ST8SIA5: variants seen among roughly 807,000 people sequenced by gnomAD.
The protein encoded by ST8SIA5 is ST8 alpha-N-acetyl-neuraminide alpha-2,8-sialyltransferase 5, also known as alpha-2,8-sialyltransferase 8E.
Under a neutral mutation model 40.2 loss-of-function variants are expected in ST8SIA5, and 24 were observed. The ratio of observed to expected loss-of-function variants is 0.60; its 90% CI spans 0.43 to 0.84. The LOEUF (loss-of-function observed/expected upper bound fraction) is 0.84. Among genes scored for constraint, ST8SIA5 ranks in the 40% least tolerant of loss-of-function variants. The pLI is 0.00. For missense variants in ST8SIA5, 465 were observed against 498.5 expected (o/e 0.93, Z 0.64); for synonymous variants, 198 against 201.8 (o/e 0.98, Z 0.16).
intron 1 of ST8SIA5, among the ~76,000 whole-genome samples, chr18:46,746,392 C>A (rs1599154163): frequency 6.6e-6 from 1 of 152,258 alleles, no homozygotes; most frequent in South Asian, 2.1e-4. Context: ...AATCAATCTG[C>A]AAAAATCACA....
At chr18:46,692,051 G>T (rs1026720598) in intron 3 of ST8SIA5, 118 bp downstream of exon 3, 2 of 1,036,282 alleles carry the variant, frequency 1.9e-6, no homozygotes, top group Admixed American at 1.8e-5. Flanking sequence ...CCCAGTCAGG[G>T]TCTGCTCTGG....
rs556701139 is a variant in ST8SIA5 at position 46,756,839 on chromosome 18, G to A, written c.-331C>T. On this transcript the variant is annotated 5_prime_UTR_variant, in exon 1 of 7. Transcript: ENST00000315087. ...GCGGAGGGGAGACGCCAGGTGCCAC[G>A]AGCCGGAGGCGGCCCCTCCCGCCGA... The A allele has an allele frequency of 3.6e-6, 1 of 279,318 alleles. No homozygotes were observed. The highest frequency in any genetic ancestry group is 5.5e-5 in the South Asian group (1 of 18,050). The allele number at this position is 279,318 out of a possible 1,614,324, so 17.3% of individuals were successfully genotyped here. A position where few individuals can be genotyped will look rare whatever the true frequency, so the allele number is the denominator to read the frequency against.
At chr18:46,738,933 T>C (rs1157089168) in intron 1 of ST8SIA5, among the ~76,000 whole-genome samples, 1 of 152,170 alleles carries the variant, frequency 6.6e-6, no homozygotes, top group Admixed American at 6.5e-5. Flanking sequence ...CTTTTTGCCC[T>C]GAAGGTGCAG....
At chr18:46,729,813 C>G (rs189359187) in intron 1 of ST8SIA5, among the ~76,000 whole-genome samples, 2 of 152,172 alleles carry the variant, frequency 1.3e-5, no homozygotes, top group African/African-American at 4.8e-5. Context: ...CAAGAACTGA[C>G]AGTCCGGTTT....
intron 1 of ST8SIA5, among the ~76,000 whole-genome samples, chr18:46,716,735 C>G (rs1264597425): frequency 6.6e-6 from 1 of 152,200 alleles, no homozygotes; most frequent in Non-Finnish European, 1.5e-5. Context: ...TTGGGGAATA[C>G]CTGAGCAAAC....
chr18:46,736,234 C>T (rs1251078012), intron 1 of ST8SIA5, among the ~76,000 whole-genome samples: 1 of 152,234 alleles, frequency 6.6e-6, no homozygotes, highest in Non-Finnish European at 1.5e-5. Flanking sequence ...AGACGCAACA[C>T]TTCCAGTGCT....
intron 2 of ST8SIA5, among the ~76,000 whole-genome samples, chr18:46,694,273 T>C (rs2039534988): frequency 6.6e-6 from 1 of 152,180 alleles, no homozygotes; most frequent in African/African-American, 2.4e-5. Flanking sequence ...CAAATATAGT[T>C]GGGGAAAGCT....
At chr18:46,707,950 C>T (rs1471255989) in intron 1 of ST8SIA5, among the ~76,000 whole-genome samples, 3 of 152,232 alleles carry the variant, frequency 2.0e-5, no homozygotes, top group Non-Finnish European at 4.4e-5. Context: ...TAAGCTAAGT[C>T]ACTCAGTCTA....
At chr18:46,728,324 G>A (rs2039952110) in intron 1 of ST8SIA5, among the ~76,000 whole-genome samples, 1 of 152,252 alleles carries the variant, frequency 6.6e-6, no homozygotes, top group Non-Finnish European at 1.5e-5. Flanking sequence ...GCCAGTGGAG[G>A]CAATTTTGTG....
intron 2 of ST8SIA5, 116 bp from the exon 3 acceptor site, chr18:46,692,371 C>A (rs2039514750): frequency 2.3e-6 from 2 of 851,392 alleles, no homozygotes; most frequent in Non-Finnish European, 3.8e-6. Flanking sequence ...TGGGGCTGGC[C>A]CTTGGCATTG....
chr18:46,715,024 A>G (rs1183585942), intron 1 of ST8SIA5, among the ~76,000 whole-genome samples: 1 of 152,204 alleles, frequency 6.6e-6, no homozygotes, highest in Non-Finnish European at 1.5e-5. Context: ...GGGTTCTGCC[A>G]GGCCCCAAGA....
At chr18:46,731,701 T>C (rs1191559784) in intron 1 of ST8SIA5, 1 of 152,348 alleles carries the variant, frequency 6.6e-6, no homozygotes, top group Non-Finnish European at 1.5e-5. Flanking sequence ...GATCCCATCC[T>C]GGCCAGGGGA....
At chr18:46,696,525 A>T (rs539494445) in intron 2 of ST8SIA5, among the ~76,000 whole-genome samples, 1 of 152,358 alleles carries the variant, frequency 6.6e-6, no homozygotes, top group Non-Finnish European at 1.5e-5. Context: ...CCAGCCTTGA[A>T]TCCTGGCACC....
intron 1 of ST8SIA5, among the ~76,000 whole-genome samples, chr18:46,742,279 AC>A (rs1486378077): frequency 1.3e-5 from 2 of 152,146 alleles, no homozygotes; most frequent in African/African-American, 4.8e-5. Context: ...CATACCATAT[AC>A]AAAAATTAAC....
At chr18:46,692,969 C>G (rs2144483777) in intron 2 of ST8SIA5, among the ~76,000 whole-genome samples, 1 of 150,614 alleles carries the variant, frequency 6.6e-6, no homozygotes, top group African/African-American at 2.4e-5. Context: ...AATCCTAAAC[C>G]TGGCTACCCT....
intron 1 of ST8SIA5, among the ~76,000 whole-genome samples, chr18:46,729,760 A>G (rs2039968201): frequency 6.6e-6 from 1 of 152,224 alleles, no homozygotes; most frequent in Admixed American, 6.5e-5. Context: ...ACCAACAATT[A>G]CAAACGGACT....
chr18:46,700,725 C>A (rs574626172), intron 2 of ST8SIA5, among the ~76,000 whole-genome samples: 1 of 152,308 alleles, frequency 6.6e-6, no homozygotes, highest in South Asian at 2.1e-4. Context: ...GGCTGCTCAC[C>A]CTAGGAGCCC....
chr18:46,733,017 G>A (rs1418406161), intron 1 of ST8SIA5, among the ~76,000 whole-genome samples: 5 of 152,124 alleles, frequency 3.3e-5, no homozygotes, highest in Admixed American at 2.0e-4. Flanking sequence ...TCGGGAGGCT[G>A]GACCCAGGGC....
chr18:46,721,720 A>T (rs1294435326), intron 1 of ST8SIA5, among the ~76,000 whole-genome samples: 1 of 151,984 alleles, frequency 6.6e-6, no homozygotes. Flanking sequence ...CACATTTCAC[A>T]CACAGGGACA....
Sources: gnomAD v4.1 joint callset for allele counts (sites outside exome capture counted in the v4.1 genomes callset) on GRCh38, gnomAD v4.1.1 for gene constraint, MANE v1.5 for transcripts, NCBI Gene and HGNC (gene_info 2026-07-23, HGNC 2026-07-21) for gene names.